ASAP2: variants seen among roughly 807,000 people sequenced by gnomAD.
The protein encoded by ASAP2 is ArfGAP with SH3 domain, ankyrin repeat and PH domain 2.
ASAP2 carries 45 observed loss-of-function variants against 131.4 expected under a neutral mutation model. That is an observed-to-expected ratio of 0.34 (90% CI 0.27 to 0.44). The LOEUF is 0.44. Ranked by LOEUF, ASAP2 falls within the 20% of genes least tolerant of loss-of-function variation. The pLI, the probability that ASAP2 is intolerant of heterozygous loss-of-function variation, is 1.00. For missense variants in ASAP2, 1,011 were observed against 1,297.0 expected, an observed-to-expected ratio of 0.78 and a Z score of 3.39; for synonymous variants, 510 against 503.0, an observed-to-expected ratio of 1.01 and a Z score of -0.19.
intron 3 of ASAP2, among the ~76,000 whole-genome samples, chr2:9,317,585 TACAC>T (rs144677577): frequency 0.011 from 1,570 of 141,258 alleles, 36 homozygotes; most frequent in East Asian, 0.091. Flanking sequence ...CACACACCCG[TACAC>T]AATCACATTC....
Position 9,335,285 on chromosome 2 carries a change from G to C in ASAP2, c.849+106G>C. 4.2e-6 allele frequency: 4 copies of C among 959,402 alleles called. No individual in the cohort carries two copies. The South Asian group carries it at 5.6e-5, about 13-fold the overall frequency. 59.4% of individuals were successfully genotyped at this position (959,402 alleles called of 1,614,324 possible). ...TCTTCTAGGAGCTCACAGTTCACTC[G>C]GGCTGTGTCAGGCACCAGTAAAACA... On this transcript the variant is annotated intron_variant, in intron 9 of 27. Transcript: ENST00000281419.
intron 24 of ASAP2, among the ~76,000 whole-genome samples, chr2:9,397,400 G>A (rs1676233304): frequency 6.6e-6 from 1 of 152,126 alleles, no homozygotes; most frequent in Non-Finnish European, 1.5e-5. Context: ...CTGACTGGCA[G>A]GAAAAAGGGA....
At chr2:9,345,610 G>C (rs1671912225) in intron 11 of ASAP2, among the ~76,000 whole-genome samples, 1 of 152,104 alleles carries the variant, frequency 6.6e-6, no homozygotes, top group Non-Finnish European at 1.5e-5. Flanking sequence ...TTTGTTGCTA[G>C]AGAGATGCTG....
chr2:9,331,197 C>T (rs1359723840), intron 7 of ASAP2, among the ~76,000 whole-genome samples: 1 of 152,232 alleles, frequency 6.6e-6, no homozygotes, highest in Non-Finnish European at 1.5e-5. Flanking sequence ...GGTGAAGAGG[C>T]CACTGTGTAA....
chr2:9,371,714 TG>T (rs1026275928), intron 16 of ASAP2, among the ~76,000 whole-genome samples: 9 of 152,264 alleles, frequency 5.9e-5, no homozygotes, highest in African/African-American at 1.9e-4. Flanking sequence ...CCCTGTGACT[TG>T]GGACCATTAT....
At position 9,322,724 on chromosome 2, in the gene ASAP2, T is replaced by C. The variant is rs1245489373; in HGVS notation, c.471-397T>C. Among the ~76,000 whole-genome samples the C allele has an allele frequency of 3.0e-4, 45 of 152,032 alleles. 1 individual carries two copies. Among genetic ancestry groups the C allele is most frequent in the Admixed American group, 2.9e-3 (45 of 15,270 alleles). On this transcript the variant is annotated intron_variant, in intron 5 of 27. Coordinates refer to ENST00000281419, the MANE Select transcript of ASAP2 (RefSeq NM_003887.3). ...AGAGAGCTGGCCTGGCTTCACTGAGTGAGGAGGTGATGACAGAGACTAGGG... is the reference window on the plus strand; with the variant it reads ...AGAGAGCTGGCCTGGCTTCACTGAGCGAGGAGGTGATGACAGAGACTAGGG...
Position 9,270,785 on chromosome 2 carries a change from A to ATTTTTTTTTTTTTTTTTTTTTTTTT in ASAP2, c.127-8531_127-8507dup, listed in dbSNP as rs35913703. On this transcript the variant is annotated intron_variant, in intron 1 of 27. Coordinates refer to ENST00000281419, the MANE Select transcript of ASAP2 (RefSeq NM_003887.3). ...AGTCTCCATGAGTTCAATTGTTTTC[A>ATTTTTTTTTTTTTTTTTTTTTTTTT]TTTTTTTTTTTTTTTTTTTTTTTTT... is the stretch of plus-strand genomic sequence containing the variant. Among the ~76,000 whole-genome samples the ATTTTTTTTTTTTTTTTTTTTTTTTT allele has an allele frequency of 3.8e-4, 20 of 52,928 alleles. 3 individuals carry two copies. The highest frequency in any genetic ancestry group is 4.5e-4 in the Non-Finnish European group (13 of 28,776). The allele number at this position is 52,928 out of a possible 152,430, so 34.7% of individuals were successfully genotyped here.
rs562266565 is a variant in ASAP2, at chr2:9,375,813, C to T, written c.1746+869C>T. On this transcript the variant is annotated intron_variant, in intron 17 of 27. Transcript: ENST00000281419. ...AGGTTTAACCTGAGCTTCATGCTAA[C>T]GAGAGAAGCTCTCTGAGAGGGGCGG... Among the ~76,000 whole-genome samples the T allele has an allele frequency of 7.2e-5, 11 of 152,332 alleles. No individual in the cohort carries two copies. The South Asian group carries it at 1.0e-3, about 14-fold the overall frequency.
At chr2:9,387,147 G>A (rs1268876106) in intron 21 of ASAP2, among the ~76,000 whole-genome samples, 1 of 149,656 alleles carries the variant, frequency 6.7e-6, no homozygotes, top group South Asian at 2.1e-4. Context: ...CCGGGAGGCG[G>A]AGCTTGCAGT....
intron 1 of ASAP2, among the ~76,000 whole-genome samples, chr2:9,210,561 GT>G (rs906726476): frequency 1.1e-4 from 16 of 146,992 alleles, no homozygotes; most frequent in East Asian, 6.0e-4. Context: ...TAACCCATGT[GT>G]TTTTTTTTTT....
At chr2:9,379,224 T>C (rs1572592118) in intron 19 of ASAP2, among the ~76,000 whole-genome samples, 165 bp downstream of exon 19, 1 of 152,352 alleles carries the variant, frequency 6.6e-6, no homozygotes, top group South Asian at 2.1e-4. Context: ...TCTCCCTGCC[T>C]GTTCCACGAG....
chr2:9,401,313 T>A lies in ASAP2; in HGVS notation c.2863T>A (p.Cys955Ser), dbSNP rs1156870210. Residue 955 changes from cysteine to serine, a missense_variant, in exon 27 of 28, where the codon TGT becomes AGT. Coordinates refer to ENST00000281419, the MANE Select transcript of ASAP2 (RefSeq NM_003887.3). ...KPKRVKALYN[C>S]VADNPDELTF... ...TAAGCGGGTGAAAGCGCTCTATAAC[T>A]GTGTGGCTGACAACCCCGATGAGCT... is the stretch of plus-strand genomic sequence containing the variant. 3.1e-6 allele frequency: 5 copies of A among 1,613,424 alleles called. No homozygotes were observed.
intron 9 of ASAP2, among the ~76,000 whole-genome samples, chr2:9,340,069 C>T (rs1222041247): frequency 1.3e-5 from 2 of 152,220 alleles, no homozygotes; most frequent in Non-Finnish European, 2.9e-5. Flanking sequence ...GTCGTCTAGG[C>T]TGGAGTGCAG....
At chr2:9,212,926 G>C (rs1661699140) in intron 1 of ASAP2, among the ~76,000 whole-genome samples, 2 of 152,244 alleles carry the variant, frequency 1.3e-5, no homozygotes, top group South Asian at 2.1e-4. Flanking sequence ...GCACACTGGA[G>C]TTGCTTGGGC....
intron 6 of ASAP2, among the ~76,000 whole-genome samples, chr2:9,327,067 T>C (rs1670526421): frequency 6.6e-6 from 1 of 152,190 alleles, no homozygotes; most frequent in Non-Finnish European, 1.5e-5. Context: ...TCACAGCAGC[T>C]TTCCACCTCC....
At chr2:9,210,638 C>T (rs574311978) in intron 1 of ASAP2, among the ~76,000 whole-genome samples, 6 of 151,822 alleles carry the variant, frequency 4.0e-5, no homozygotes, top group East Asian at 3.9e-4. Flanking sequence ...CACTGCAAGC[C>T]CCGCCTCCCA....
intron 9 of ASAP2, among the ~76,000 whole-genome samples, chr2:9,335,809 C>T (rs972085009): frequency 6.6e-6 from 1 of 152,184 alleles, no homozygotes; most frequent in African/African-American, 2.4e-5. Context: ...TATATTTTCA[C>T]TACAATGTGG....
At chr2:9,319,354 A>ATC (rs1322817068) in intron 4 of ASAP2, among the ~76,000 whole-genome samples, 2 of 152,236 alleles carry the variant, frequency 1.3e-5, no homozygotes, top group Non-Finnish European at 2.9e-5. Context: ...GTCTTGACCC[A>ATC]TCTCCAGGAC....
intron 15 of ASAP2, among the ~76,000 whole-genome samples, chr2:9,361,562 T>C (rs765518971): frequency 1.3e-5 from 2 of 152,018 alleles, no homozygotes; most frequent in Non-Finnish European, 2.9e-5. Flanking sequence ...TCCTTTCTTT[T>C]CTTTTCCTTT....
Sources: gnomAD v4.1 joint callset for allele counts (sites outside exome capture counted in the v4.1 genomes callset) on GRCh38, gnomAD v4.1.1 for gene constraint, MANE v1.5 for transcripts, NCBI Gene and HGNC (gene_info 2026-07-23, HGNC 2026-07-21) for gene names.